Variants in KIF15 observed in about 807,000 individuals in gnomAD.
KIF15 encodes the protein kinesin family member 15, also known as kinesin-like protein KIF15.
A neutral mutation model predicts 190.6 loss-of-function variants in KIF15; 140 were observed. The observed-to-expected ratio is 0.73, with a 90% CI of 0.64 to 0.84. The LOEUF (loss-of-function observed/expected upper bound fraction) is 0.84. Ranked by LOEUF, KIF15 falls within the 40% of genes least tolerant of loss-of-function variation. The pLI is 0.00. For synonymous variants in KIF15, 528 were observed against 551.3 expected (o/e 0.96, Z 0.59); for missense variants, 1,372 against 1,584.4 (o/e 0.87, Z 2.28).
chr3:44,831,841 T>C (rs1698088344), intron 26 of KIF15, among the ~76,000 whole-genome samples: 1 of 152,168 alleles, frequency 6.6e-6, no homozygotes, highest in African/African-American at 2.4e-5. Context: ...TAGCCTTACT[T>C]TTTTCCCCAC....
At chr3:44,861,920 GC>G in intron 6 of KIF15, 1 of 1,459,180 alleles carries the variant, frequency 6.9e-7, no homozygotes, top group Non-Finnish European at 9.0e-7. Flanking sequence ...GTGTCAGCAG[GC>G]AACATGGCCG....
intron 5 of KIF15, among the ~76,000 whole-genome samples, chr3:44,782,611 A>T (rs1022082685): frequency 1.3e-5 from 2 of 152,246 alleles, no homozygotes; most frequent in Non-Finnish European, 2.9e-5. Flanking sequence ...GCCAAAGGTA[A>T]TAAGTGCTAT....
rs1320639843 is a variant in KIF15 at position 44,807,261 on chromosome 3, G to A, written c.1971+1275G>A. 2.0e-5 allele frequency among the ~76,000 whole-genome samples: 3 copies of A among 150,818 alleles called. No homozygotes were observed. In the East Asian group the frequency reaches 5.9e-4, roughly 30 times the overall value. ...TTTTTTGAGACGGAGTTTTGCTCTT[G>A]TTGCCCAGGTTGGAGTGCAGTGGCA... is the stretch of plus-strand genomic sequence containing the variant. On this transcript the variant is annotated intron_variant, in intron 16 of 34. Coordinates refer to ENST00000326047, the MANE Select transcript of KIF15 (RefSeq NM_020242.3).
Position 44,853,077 on chromosome 3 carries a change from T to A in KIF15, c.*342T>A, listed in dbSNP as rs982229673. 2 of 165,760 alleles carry A rather than the reference T, an allele frequency of 1.2e-5. No individual in the cohort carries two copies. Among genetic ancestry groups the A allele is most frequent in the Non-Finnish European group, 2.6e-5 (2 of 77,430 alleles). 10.3% of individuals were successfully genotyped at this position (165,760 alleles called of 1,614,324 possible). On this transcript the variant is annotated 3_prime_UTR_variant, in exon 35 of 35. Coordinates refer to ENST00000326047, the MANE Select transcript of KIF15 (RefSeq NM_020242.3). The stretch of plus-strand genomic sequence containing the variant: ...TAGATTATGCCATAATCTCCTTTGA[T>A]TCTTATGGAAGTTCTAACAATATAT...
intron 1 of KIF15, among the ~76,000 whole-genome samples, chr3:44,772,191 A>G (rs1033717099): frequency 3.3e-5 from 5 of 152,246 alleles, no homozygotes; most frequent in African/African-American, 1.2e-4. Context: ...TAACTGGACA[A>G]TTAGCCTCTC....
chr3:44,777,574 C>A (rs1705952358), intron 3 of KIF15, among the ~76,000 whole-genome samples: 1 of 152,002 alleles, frequency 6.6e-6, no homozygotes. Context: ...ACCTGTAGTC[C>A]CAGCTACACA....
intron 20 of KIF15, among the ~76,000 whole-genome samples, chr3:44,820,942 C>T (rs1418331533): frequency 2.0e-5 from 3 of 151,674 alleles, no homozygotes; most frequent in South Asian, 2.1e-4. Context: ...CAGAGGCGCC[C>T]CTCACCTCCC....
rs201002083 is a variant in KIF15, at chr3:44,838,307, C to G, written c.3204C>G (p.Ala1068=). ...RDMLCEDLAH[A]TEQLNMLTEA... is the part of the protein sequence containing the mutation. ...TGCTCTGTGAGGACCTGGCTCATGC[C>G]ACTGAGCAGCTGAACATGCTCACAG... is the stretch of plus-strand genomic sequence containing the variant. Residue 1068 remains alanine, a synonymous_variant, in exon 27 of 35, where the codon GCC becomes GCG. Transcript: ENST00000326047. 1 of 1,613,596 alleles carries G rather than the reference C, an allele frequency of 6.2e-7. No individual in the cohort carries two copies. The highest frequency in any genetic ancestry group is 8.5e-7 in the Non-Finnish European group (1 of 1,179,834).
At chr3:44,849,782 T>A (rs908240181) in intron 32 of KIF15, among the ~76,000 whole-genome samples, 2 of 152,320 alleles carry the variant, frequency 1.3e-5, no homozygotes, top group Middle Eastern at 3.4e-3. Flanking sequence ...AAATTTATTT[T>A]AATCATATGG....
At chr3:44,806,991 G>C (rs1707534730) in intron 16 of KIF15, among the ~76,000 whole-genome samples, 1 of 151,976 alleles carries the variant, frequency 6.6e-6, no homozygotes, top group South Asian at 2.1e-4. Flanking sequence ...TGATCTGCCT[G>C]CCTCGGCCTC....
At chr3:44,772,710 G>A (rs1705695301) in intron 1 of KIF15, among the ~76,000 whole-genome samples, 1 of 152,144 alleles carries the variant, frequency 6.6e-6, no homozygotes, top group Non-Finnish European at 1.5e-5. Context: ...AAAATTCAAG[G>A]TGGTTCATGG....
intron 6 of KIF15, among the ~76,000 whole-genome samples, chr3:44,785,837 C>T (rs947043775): frequency 6.6e-6 from 1 of 152,124 alleles, no homozygotes; most frequent in Non-Finnish European, 1.5e-5. Context: ...CAATTCTCCT[C>T]CCCCTGTATT....
At chr3:44,795,198 A>G (rs1203650121) in intron 8 of KIF15, among the ~76,000 whole-genome samples, 3 of 152,170 alleles carry the variant, frequency 2.0e-5, no homozygotes, top group African/African-American at 7.2e-5. Context: ...AGGGTGCAAT[A>G]TGGACTGCTT....
intron 26 of KIF15, among the ~76,000 whole-genome samples, chr3:44,835,173 C>G (rs1698253443): frequency 6.6e-6 from 1 of 152,048 alleles, no homozygotes; most frequent in African/African-American, 2.4e-5. Flanking sequence ...TAAAGGGAGA[C>G]TTGGACAGGA....
intron 1 of KIF15, among the ~76,000 whole-genome samples, chr3:44,772,582 C>A (rs115814526): frequency 6.6e-6 from 1 of 152,316 alleles, no homozygotes. Flanking sequence ...TTAAGCTGAA[C>A]GCTTTTTAAG....
chr3:44,782,197 T>G (rs1706200604), intron 5 of KIF15, among the ~76,000 whole-genome samples: 1 of 152,084 alleles, frequency 6.6e-6, no homozygotes, highest in East Asian at 1.9e-4. Context: ...ATTGCAGGCA[T>G]GCGCCACCAC....
Position 44,775,261 on chromosome 3 carries a change from G to C in KIF15, c.70G>C (p.Gly24Arg). 2.5e-6 allele frequency: 4 copies of C among 1,612,812 alleles called. No homozygotes were observed. The highest frequency in any genetic ancestry group is 3.4e-6 in the Non-Finnish European group (4 of 1,179,400). ...NGQSNQPSNEGDAIKVFVRIR... is the reference protein window; with the variant it reads ...NGQSNQPSNERDAIKVFVRIR... ...TCTTTTTTTTGTCTTTAGTAATGAA[G>C]GTGATGCCATCAAAGTTTTTGTGCG... The change falls in exon 3 of 35, where the codon GGT (glycine) becomes CGT (arginine). Residue 24 changes from glycine (G) to arginine (R), a missense_variant. Transcript: ENST00000326047.
chr3:44,779,308 A>T (rs1360737576), intron 4 of KIF15, among the ~76,000 whole-genome samples: 1 of 152,098 alleles, frequency 6.6e-6, no homozygotes, highest in Non-Finnish European at 1.5e-5. Context: ...ATGAACCCTA[A>T]TTCCTTTTAT....
chr3:44,848,177 T>C (rs1698934056), intron 31 of KIF15, 120 bp downstream of exon 31: 1 of 664,782 alleles, frequency 1.5e-6, no homozygotes, highest in South Asian at 2.0e-5. Flanking sequence ...TTTCTGCATT[T>C]CCACTGTTTA....
Sources: allele counts gnomAD v4.1 joint callset (sites outside exome capture counted in the v4.1 genomes callset), GRCh38; gene constraint gnomAD v4.1.1; transcripts MANE v1.5; gene names NCBI Gene and HGNC (gene_info 2026-07-23, HGNC 2026-07-21).